The following LAPTM4B variants were observed in gnomAD, a reference collection of about 807,000 sequenced individuals.
LAPTM4B encodes lysosomal protein transmembrane 4 beta.
LAPTM4B carries 26 observed loss-of-function variants against 28.5 expected under a neutral mutation model. The observed-to-expected ratio is 0.91, with a 90% CI of 0.67 to 1.27. The LOEUF is 1.27. Among genes scored for constraint, LAPTM4B ranks in the 50% most tolerant of loss-of-function variants. LAPTM4B has a pLI of 0.00. For synonymous variants in LAPTM4B, 109 were observed against 106.4 expected (o/e 1.02, Z -0.15); for missense variants, 288 against 285.8 (o/e 1.01, Z -0.06).
At chr8:97,847,403 C>T (rs1052559694) in intron 6 of LAPTM4B, among the ~76,000 whole-genome samples, 42 of 152,070 alleles carry the variant, frequency 2.8e-4, no homozygotes, top group Admixed American at 1.2e-3. Context: ...TAGGACATGA[C>T]CTATATTCTT....
chr8:97,829,003 A>T (rs547978505), intron 6 of LAPTM4B, among the ~76,000 whole-genome samples: 1 of 152,200 alleles, frequency 6.6e-6, no homozygotes, highest in African/African-American at 2.4e-5. Flanking sequence ...AGGGAGGCAC[A>T]TGTAGGTGGA....
chr8:97,777,459 T>C (rs957498265), intron 1 of LAPTM4B, among the ~76,000 whole-genome samples: 31 of 152,036 alleles, frequency 2.0e-4, no homozygotes, highest in Admixed American at 1.6e-3. Flanking sequence ...CGAGAAAAAT[T>C]CTTATCTCTT....
chr8:97,826,274 G>C (rs1003115989), intron 6 of LAPTM4B, among the ~76,000 whole-genome samples: 55 of 152,272 alleles, frequency 3.6e-4, no homozygotes, highest in African/African-American at 1.3e-3. Context: ...TGGTTTAATA[G>C]ACAGCCATGA....
At chr8:97,782,983 A>G (rs1397746854) in intron 1 of LAPTM4B, among the ~76,000 whole-genome samples, 1 of 148,534 alleles carries the variant, frequency 6.7e-6, no homozygotes, top group Non-Finnish European at 1.5e-5. Context: ...ATGTTAGTCA[A>G]GCTGGTCTCA....
rs1023620003 is a variant in LAPTM4B at position 97,789,366 on chromosome 8, G to A, written c.99+13258G>A. Among the ~76,000 whole-genome samples, 15 of 129,158 alleles carry A rather than the reference G, an allele frequency of 1.2e-4. No individual in the cohort carries two copies. The East Asian group carries it at 1.2e-3, about 10-fold the overall frequency. 84.7% of individuals were successfully genotyped at this position (129,158 alleles called of 152,430 possible). ...TGGGATTACAAGTGTGAGCCACCAC[G>A]CCTGGCCTGTTTTTTTGAGGTAGAG... On this transcript the variant is annotated intron_variant, in intron 1 of 6. Coordinates refer to ENST00000521545, the MANE Select transcript of LAPTM4B (RefSeq NM_018407.6).
chr8:97,813,439 AC>A (rs1305978058), intron 2 of LAPTM4B, among the ~76,000 whole-genome samples: 1 of 151,706 alleles, frequency 6.6e-6, no homozygotes, highest in Non-Finnish European at 1.5e-5. Flanking sequence ...TGGTACCCAT[AC>A]AGATTGAGGG....
intron 1 of LAPTM4B, among the ~76,000 whole-genome samples, chr8:97,799,944 T>A (rs1816645680): frequency 6.6e-6 from 1 of 152,170 alleles, no homozygotes; most frequent in Non-Finnish European, 1.5e-5. Context: ...CCTCTCAGGC[T>A]CCAAATCTTC....
chr8:97,831,843 T>G (rs947916290), intron 6 of LAPTM4B, among the ~76,000 whole-genome samples: 4 of 152,156 alleles, frequency 2.6e-5, no homozygotes, highest in African/African-American at 9.7e-5. Flanking sequence ...TCAGATGTTT[T>G]TTGGTGCCCT....
chr8:97,846,273 T>G (rs1817432475), intron 6 of LAPTM4B, among the ~76,000 whole-genome samples: 1 of 152,086 alleles, frequency 6.6e-6, no homozygotes. Flanking sequence ...TAAATAAGCC[T>G]ATAGTGACTT....
At chr8:97,815,954 C>T in intron 3 of LAPTM4B, 104 bp from the exon 4 acceptor site, 2 of 1,172,276 alleles carry the variant, frequency 1.7e-6, no homozygotes, top group Non-Finnish European at 1.2e-6. Context: ...TAATGAATTC[C>T]AATTTTTCCA....
At chr8:97,849,533 C>G (rs1366527583) in intron 6 of LAPTM4B, among the ~76,000 whole-genome samples, 1 of 152,214 alleles carries the variant, frequency 6.6e-6, no homozygotes, top group Non-Finnish European at 1.5e-5. Flanking sequence ...GACTCTGTAT[C>G]TTGGTTAATA....
At chr8:97,831,559 G>A (rs990071834) in intron 6 of LAPTM4B, among the ~76,000 whole-genome samples, 1 of 152,178 alleles carries the variant, frequency 6.6e-6, no homozygotes, top group African/African-American at 2.4e-5. Context: ...AAAGACAGGT[G>A]AGAGGTTTGT....
chr8:97,798,070 T>G (rs1480394219), intron 1 of LAPTM4B, among the ~76,000 whole-genome samples: 1 of 152,226 alleles, frequency 6.6e-6, no homozygotes, highest in East Asian at 1.9e-4. Context: ...GTGGGCATTA[T>G]GTATTCTGCT....
rs139521560 is a variant in LAPTM4B at position 97,803,799 on chromosome 8, C to T, written c.100-1554C>T. On this transcript the variant is annotated intron_variant, in intron 1 of 6. Transcript: ENST00000521545. ...TAGCTGGGACTACAGGCATGCACCA[C>T]TGTGCCTGGCTCATTTTCTTGTTTG... Among the ~76,000 whole-genome samples, 24 of 152,254 alleles carry T rather than the reference C, an allele frequency of 1.6e-4. No homozygotes were observed. In the East Asian group the frequency reaches 4.5e-3, roughly 28 times the overall value.
chr8:97,816,193 C>T lies in LAPTM4B; in HGVS notation c.408+13C>T. The stretch of plus-strand genomic sequence containing the variant: ...CATACGGCAACTGGTACGTGGACCT[C>T]TTACTGCTCCTTTTCATTAATTCTT... On this transcript the variant is annotated intron_variant, in intron 4 of 6. Transcript: ENST00000521545. 4 of 1,603,548 alleles carry T rather than the reference C, an allele frequency of 2.5e-6. No individual in the cohort carries two copies. Among genetic ancestry groups the T allele is most frequent in the Non-Finnish European group, 3.4e-6 (4 of 1,176,494 alleles).
chr8:97,812,006 A>G (rs1404063115), intron 2 of LAPTM4B, among the ~76,000 whole-genome samples: 1 of 151,680 alleles, frequency 6.6e-6, no homozygotes, highest in Non-Finnish European at 1.5e-5. Flanking sequence ...GGGTTTTGCC[A>G]TGTTTCCCAA....
intron 3 of LAPTM4B, among the ~76,000 whole-genome samples, chr8:97,815,626 G>T (rs948085123): frequency 1.3e-5 from 2 of 152,022 alleles, no homozygotes; most frequent in Non-Finnish European, 2.9e-5. Flanking sequence ...GAGTAGAGTG[G>T]TGTGATCTTA....
In LAPTM4B at chr8:97,776,030, G is replaced by T; in HGVS notation, c.21G>T (p.Trp7Cys). MKMVAP[W>C]TRFYSNSCCL... The stretch of plus-strand genomic sequence containing the variant: ...GAGCGATGAAGATGGTCGCGCCCTG[G>T]ACGCGGTTCTACTCCAACAGCTGCT... The change falls in exon 1 of 7, where the codon TGG becomes TGT. Residue 7 changes from tryptophan to cysteine, a missense_variant. By Grantham distance (215) the Trp-to-Cys change is radical. Transcript: ENST00000521545. 1 of 1,581,136 alleles carries T rather than the reference G, an allele frequency of 6.3e-7. No homozygotes were observed. The highest frequency in any genetic ancestry group is 8.6e-7 in the Non-Finnish European group (1 of 1,167,794).
At chr8:97,805,981 C>T (rs148314353) in intron 2 of LAPTM4B, among the ~76,000 whole-genome samples, 208 of 152,236 alleles carry the variant, frequency 1.4e-3, no homozygotes, top group Middle Eastern at 3.4e-3. Context: ...GCAGCCTCAT[C>T]ATTTTATAAT....
Sources: allele counts gnomAD v4.1 joint callset (sites outside exome capture counted in the v4.1 genomes callset), GRCh38; gene constraint gnomAD v4.1.1; transcripts MANE v1.5; gene names NCBI Gene and HGNC (gene_info 2026-07-23, HGNC 2026-07-21).